MGA: variants seen among roughly 807,000 people sequenced by gnomAD.
MGA encodes MAX gene-associated protein.
In MGA, 40 loss-of-function variants were observed where a neutral mutation model predicts 261.1. The observed-to-expected ratio is 0.15, with a 90% confidence interval of 0.12 to 0.20. The LOEUF (loss-of-function observed/expected upper bound fraction) is 0.20. Among genes scored for constraint, MGA ranks in the 10% least tolerant of loss-of-function variants. The pLI is 1.00. For synonymous variants in MGA, 1,302 were observed against 1,290.6 expected, an observed-to-expected ratio of 1.01 and a Z score of -0.19; for missense variants, 3,397 against 3,630.5, an observed-to-expected ratio of 0.94 and a Z score of 1.65.
intron 1 of MGA, among the ~76,000 whole-genome samples, chr15:41,647,134 C>G (rs1203485002): frequency 6.6e-6 from 1 of 152,116 alleles, no homozygotes; most frequent in Non-Finnish European, 1.5e-5. Flanking sequence ...TCATACACCC[C>G]TCGGAAAATT....
chr15:41,738,035 T>G (rs574411801), intron 13 of MGA, among the ~76,000 whole-genome samples: 1 of 152,146 alleles, frequency 6.6e-6, no homozygotes, highest in South Asian at 2.1e-4. Context: ...GTGTCTGATA[T>G]TATTGCAAAG....
chr15:41,729,707 A>C (rs2061411896), intron 11 of MGA, among the ~76,000 whole-genome samples: 1 of 152,038 alleles, frequency 6.6e-6, no homozygotes, highest in Admixed American at 6.6e-5. Context: ...GCATGCCTGT[A>C]ATCCCAACTA....
intron 2 of MGA, among the ~76,000 whole-genome samples, chr15:41,687,325 G>T (rs1007060012): frequency 6.6e-6 from 1 of 152,108 alleles, no homozygotes; most frequent in African/African-American, 2.4e-5. Flanking sequence ...AGTTATTTGT[G>T]ATGTGAAAAT....
At chr15:41,708,683 C>A (rs930760060) in intron 7 of MGA, among the ~76,000 whole-genome samples, 7 of 152,200 alleles carry the variant, frequency 4.6e-5, no homozygotes, top group African/African-American at 1.7e-4. Flanking sequence ...ACCCATTTTC[C>A]TGTAGTCACA....
chr15:41,648,246 G>A (rs1163932839), intron 1 of MGA, among the ~76,000 whole-genome samples: 2 of 152,174 alleles, frequency 1.3e-5, no homozygotes, highest in African/African-American at 4.8e-5. Context: ...TGTGAACTTT[G>A]GAGCCAGAGT....
At chr15:41,699,742 C>T (rs1018912861) in intron 5 of MGA, among the ~76,000 whole-genome samples, 1 of 151,970 alleles carries the variant, frequency 6.6e-6, no homozygotes, top group Admixed American at 6.6e-5. Context: ...CCTTGTGATC[C>T]GCCCGCCTCG....
intron 11 of MGA, 140 bp from the exon 12 acceptor site, chr15:41,734,382 G>GC: frequency 1.4e-6 from 1 of 690,218 alleles, no homozygotes. Context: ...ACGTAGATGT[G>GC]CATGTGGATT....
chr15:41,762,461 G>GTTTGTTTTTTTTTTTTT (rs2063523987), intron 22 of MGA, 99 bp downstream of exon 22: 1 of 125,094 alleles, frequency 8.0e-6, no homozygotes, highest in African/African-American at 6.6e-5. Context: ...GTTTTGTGTG[G>GTTTGTTTTTTTTTTTTT]TTTTTTTTTT....
intron 2 of MGA, among the ~76,000 whole-genome samples, chr15:41,687,030 TG>T (rs1345691359): frequency 6.6e-6 from 1 of 151,586 alleles, no homozygotes; most frequent in African/African-American, 2.4e-5. Context: ...GCAAGATTGC[TG>T]TTTTTTTTTT....
chr15:41,750,427 T>C lies in MGA; in HGVS notation c.6820T>C (p.Leu2274=). ...AGGGAATGGACATTTTCAGGGTCAC[T>C]TACTGCTACCTGGAGAACAGATACA... Residue 2274 remains leucine (L), a synonymous_variant, in exon 17 of 24, where the codon TTA becomes CTA. Coordinates refer to ENST00000219905, the MANE Select transcript of MGA (RefSeq NM_001164273.2). The C allele has an allele frequency of 6.2e-7, 1 of 1,613,578 alleles. No individual in the cohort carries two copies. Among genetic ancestry groups the C allele is most frequent in the South Asian group, 1.1e-5 (1 of 91,078 alleles).
intron 5 of MGA, among the ~76,000 whole-genome samples, chr15:41,703,368 A>ACAC (rs2059946281): frequency 1.1e-5 from 1 of 93,250 alleles, no homozygotes; most frequent in Non-Finnish European, 2.1e-5. Context: ...TTGTGAAGTT[A>ACAC]CCCCCCCCCC....
chr15:41,646,702 T>C (rs540635552), intron 1 of MGA, among the ~76,000 whole-genome samples: 18 of 151,852 alleles, frequency 1.2e-4, no homozygotes, highest in Non-Finnish European at 2.2e-4. Flanking sequence ...AGAACGAGAC[T>C]CTGTCACCCC....
chr15:41,639,460 G>C (rs2056778265), intron 1 of MGA, among the ~76,000 whole-genome samples: 2 of 151,300 alleles, frequency 1.3e-5, no homozygotes, highest in South Asian at 2.1e-4. Context: ...AGAACCTTTA[G>C]GTCTGTTGGA....
chr15:41,686,823 C>G (rs910278081), intron 2 of MGA, among the ~76,000 whole-genome samples: 1 of 152,026 alleles, frequency 6.6e-6, no homozygotes, highest in Non-Finnish European at 1.5e-5. Flanking sequence ...TTGGGCTAAA[C>G]ATTACCTGGC....
At chr15:41,737,273 T>TGACA (rs944701652) in intron 13 of MGA, among the ~76,000 whole-genome samples, 26 of 152,070 alleles carry the variant, frequency 1.7e-4, no homozygotes, top group African/African-American at 6.0e-4. Context: ...TACAGGCATG[T>TGACA]GACACCACAC....
chr15:41,673,540 CTTT>C (rs777334913), intron 2 of MGA, among the ~76,000 whole-genome samples: 2 of 118,932 alleles, frequency 1.7e-5, no homozygotes, highest in Non-Finnish European at 1.7e-5. Context: ...TTCTTTCTTT[CTTT>C]TTTTTTTTTT....
chr15:41,670,013 G>A (rs1256512738), intron 2 of MGA, 55 bp downstream of exon 2: 2 of 1,410,856 alleles, frequency 1.4e-6, no homozygotes, highest in Non-Finnish European at 1.9e-6. Context: ...GATGGGCCAG[G>A]TGTTGGATTT....
At chr15:41,697,054 G>A (rs1455103453) in intron 3 of MGA, 31 bp downstream of exon 3, 1 of 1,448,472 alleles carries the variant, frequency 6.9e-7, no homozygotes, top group African/African-American at 1.4e-5. Flanking sequence ...ATTCTTTAAG[G>A]CTAATTAGTC....
At chr15:41,625,038 G>A (rs139294434) in intron 1 of MGA, among the ~76,000 whole-genome samples, 1 of 152,148 alleles carries the variant, frequency 6.6e-6, no homozygotes, top group African/African-American at 2.4e-5. Context: ...AGCTACTCAG[G>A]AGGCTGAGAT....
Sources: allele counts gnomAD v4.1 joint callset (sites outside exome capture counted in the v4.1 genomes callset), GRCh38; gene constraint gnomAD v4.1.1; transcripts MANE v1.5; gene names NCBI Gene and HGNC (gene_info 2026-07-23, HGNC 2026-07-21).